SPATA13: variants seen among roughly 807,000 people sequenced by gnomAD.
SPATA13 encodes spermatogenesis associated 13.
SPATA13 carries 50 observed loss-of-function variants against 104.0 expected under a neutral mutation model. The observed-to-expected ratio is 0.48, with a 90% CI of 0.38 to 0.61. The LOEUF is 0.61. Among genes scored for constraint, SPATA13 ranks in the 20% least tolerant of loss-of-function variants. The probability of loss-of-function intolerance (pLI) is 0.00; values close to 1 mark genes in which losing one functional copy is unlikely to be tolerated. For missense variants in SPATA13, 1,524 were observed against 1,690.6 expected (o/e 0.90, Z 1.73); for synonymous variants, 606 against 667.5 (o/e 0.91, Z 1.42).
rs745333635 is a variant in SPATA13, at chr13:24,251,839, G to A, written c.2141G>A (p.Arg714Gln). 3.3e-5 allele frequency: 53 copies of A among 1,613,750 alleles called. 1 individual carries two copies. In the East Asian group the frequency reaches 8.2e-4, roughly 25 times the overall value. Residue 714 changes from arginine (R) to glutamine (Q), a missense_variant, in exon 4 of 13, where the codon CGG (arginine) becomes CAG (glutamine). Arg to Gln is a conservative substitution (Grantham distance 43). Transcript: ENST00000382108. ...ATTGGGTTGGACCGTGTGGGACGCC[G>A]GCGGCAGATGAGAGCATCCAACGGT... ...TPIGLDRVGR[R>Q]RQMRASNVSS...
At chr13:24,250,171 G>T (rs536311169) in intron 3 of SPATA13, among the ~76,000 whole-genome samples, 49 of 152,266 alleles carry the variant, frequency 3.2e-4, no homozygotes, top group Non-Finnish European at 5.7e-4. Context: ...AGAAGTAATT[G>T]TTGAAAAAGA....
chr13:24,158,103 A>G (rs561455501), upstream of SPATA13, among the ~76,000 whole-genome samples: 7 of 152,244 alleles, frequency 4.6e-5, no homozygotes, highest in Non-Finnish European at 1.0e-4. Flanking sequence ...GGTAGTTTCT[A>G]TCCTTAGACA....
chr13:24,234,032 A>G (rs941194249), intron 2 of SPATA13, among the ~76,000 whole-genome samples: 3 of 152,170 alleles, frequency 2.0e-5, no homozygotes, highest in African/African-American at 7.2e-5. Flanking sequence ...CTCTAGTGAG[A>G]TACCATTAAA....
chr13:24,287,093 G>C, intron 7 of SPATA13, 143 bp downstream of exon 7: 1 of 690,996 alleles, frequency 1.4e-6, no homozygotes, highest in South Asian at 2.0e-5. Context: ...TGTCTGCACT[G>C]CTAAGTCTGA....
intron 2 of SPATA13, among the ~76,000 whole-genome samples, chr13:23,987,395 T>C (rs889037707): frequency 1.3e-5 from 2 of 152,190 alleles, no homozygotes; most frequent in African/African-American, 4.8e-5. Flanking sequence ...GTTCCCATGA[T>C]GGTGGAGTTA....
rs548743049 is a variant in SPATA13, at chr13:24,302,556, G to A, written c.3659-42G>A. The stretch of plus-strand genomic sequence containing the variant: ...TTTTTTTCCTTTCTGGTTAACAAGC[G>A]ACCCTCAGTCCCTGTTCCATCTCTC... On this transcript the variant is annotated intron_variant, in intron 12 of 12. Transcript: ENST00000382108. 4.0e-5 allele frequency: 55 copies of A among 1,362,230 alleles called. No homozygotes were observed. In the South Asian group the frequency reaches 8.8e-4, roughly 22 times the overall value. The allele number at this position is 1,362,230 out of a possible 1,614,324, so 84.4% of individuals were successfully genotyped here.
At chr13:24,064,761 G>A (rs1161687731) in intron 3 of SPATA13, among the ~76,000 whole-genome samples, 1 of 152,168 alleles carries the variant, frequency 6.6e-6, no homozygotes, top group Non-Finnish European at 1.5e-5. Flanking sequence ...TTCTTAATCA[G>A]CGATGAAGGT....
At chr13:24,030,229 T>C (rs1021470027) in intron 3 of SPATA13, among the ~76,000 whole-genome samples, 1 of 152,198 alleles carries the variant, frequency 6.6e-6, no homozygotes, top group Admixed American at 6.5e-5. Context: ...ACACTTGGTG[T>C]TGTACATTCA....
intron 3 of SPATA13, among the ~76,000 whole-genome samples, chr13:24,030,823 AG>A (rs1487215159): frequency 6.6e-6 from 1 of 152,228 alleles, no homozygotes; most frequent in African/African-American, 2.4e-5. Context: ...TATTGCCAGC[AG>A]TGGAAAAGAC....
chr13:24,004,345 C>T (rs12427946), intron 2 of SPATA13, among the ~76,000 whole-genome samples: 23,932 of 152,160 alleles, frequency 0.16, 2,560 homozygotes, highest in East Asian at 0.51. Flanking sequence ...CCATTTACGG[C>T]AGTGTTGACA....
intron 3 of SPATA13, among the ~76,000 whole-genome samples, chr13:24,146,670 A>C (rs1367485503): frequency 6.6e-6 from 1 of 152,230 alleles, no homozygotes; most frequent in African/African-American, 2.4e-5. Flanking sequence ...TACTTCTCTT[A>C]CTTGTCACAG....
At chr13:24,064,058 C>G (rs7327593) in intron 3 of SPATA13, among the ~76,000 whole-genome samples, 27,703 of 152,112 alleles carry the variant, frequency 0.18, 2,852 homozygotes, top group African/African-American at 0.27. Flanking sequence ...TCAGCCATTT[C>G]TCTCTTTGAC....
intron 3 of SPATA13, among the ~76,000 whole-genome samples, chr13:24,118,616 G>A (rs1343668436): frequency 1.3e-5 from 2 of 152,152 alleles, no homozygotes; most frequent in African/African-American, 4.8e-5. Flanking sequence ...GGTAGGGTCT[G>A]AGAATCTGCA....
intron 3 of SPATA13, among the ~76,000 whole-genome samples, chr13:24,075,116 C>A (rs1879284405): frequency 6.6e-6 from 1 of 152,220 alleles, no homozygotes; most frequent in Non-Finnish European, 1.5e-5. Flanking sequence ...AGGTCCTGTG[C>A]CCCAGTCCTG....
chr13:24,150,346 C>T (rs552565956), intron 3 of SPATA13, among the ~76,000 whole-genome samples: 1 of 152,200 alleles, frequency 6.6e-6, no homozygotes, highest in Admixed American at 6.5e-5. Context: ...AGCCTGCAGC[C>T]TCAGTGGCAT....
intron 3 of SPATA13, among the ~76,000 whole-genome samples, chr13:24,110,948 CT>C (rs1160668721): frequency 6.6e-6 from 1 of 151,504 alleles, no homozygotes; most frequent in African/African-American, 2.4e-5. Flanking sequence ...GAGGTGGAGT[CT>C]TGCTCTTGAC....
rs547503791 is a variant in SPATA13 at position 24,295,520 on chromosome 13, A to G, written c.3210+652A>G. 4.6e-5 allele frequency among the ~76,000 whole-genome samples: 7 copies of G among 152,236 alleles called. No homozygotes were observed. In the East Asian group the frequency reaches 1.2e-3, roughly 25 times the overall value. On this transcript the variant is annotated intron_variant, in intron 10 of 12. Transcript: ENST00000382108. ...CTGGCTACTCGGGAGGCTGAGTTGA[A>G]AGGATCACTTGAGCCTAGGAGGTTG...
intron 3 of SPATA13, among the ~76,000 whole-genome samples, chr13:24,094,899 G>T (rs1880022794): frequency 2.0e-5 from 3 of 152,196 alleles, no homozygotes; most frequent in Admixed American, 1.3e-4. Context: ...TAAAAGAAAA[G>T]AAAATACTAA....
intron 12 of SPATA13, 49 bp downstream of exon 12, chr13:24,300,524 C>T (rs1462899771): frequency 6.4e-7 from 1 of 1,558,550 alleles, no homozygotes; most frequent in Non-Finnish European, 8.8e-7. Context: ...CAGTATTCTC[C>T]TGAAAATGGG....
Sources: gnomAD v4.1 joint callset for allele counts (sites outside exome capture counted in the v4.1 genomes callset) on GRCh38, gnomAD v4.1.1 for gene constraint, MANE v1.5 for transcripts, NCBI Gene and HGNC (gene_info 2026-07-23, HGNC 2026-07-21) for gene names.